The following SORL1 variants were observed in gnomAD, a reference collection of about 807,000 sequenced individuals.
SORL1 encodes the protein sortilin related receptor 1.
In SORL1, 127 loss-of-function variants were observed where a neutral mutation model predicts 273.7. The ratio of observed to expected loss-of-function variants is 0.46; its 90% CI spans 0.40 to 0.54. SORL1 has a LOEUF of 0.54. Ranked by LOEUF, SORL1 falls within the 20% of genes least tolerant of loss-of-function variation. SORL1 has a pLI of 0.00. For synonymous variants in SORL1, 1,031 were observed against 1,067.4 expected (o/e 0.97, Z 0.66); for missense variants, 2,494 against 2,846.1 (o/e 0.88, Z 2.81).
At chr11:121,508,772 TA>T in intron 6 of SORL1, among the ~76,000 whole-genome samples, 1 of 152,366 alleles carries the variant, frequency 6.6e-6, no homozygotes, top group Middle Eastern at 3.4e-3. Context: ...TGTTCTTGAG[TA>T]AATGTGCCTT....
Position 121,608,085 on chromosome 11 carries a change from C to T in SORL1, c.5167-19C>T, listed in dbSNP as rs1863506237. On this transcript the variant is annotated intron_variant, in intron 37 of 47. Coordinates refer to ENST00000260197, the MANE Select transcript of SORL1 (RefSeq NM_003105.6). ...GTATTGCCTTTATTTCATATTAATT[C>T]ACCCTCTGATTTGAAAAGGTGGCTG... is the stretch of plus-strand genomic sequence containing the variant. The T allele has an allele frequency of 3.1e-6, 5 of 1,605,790 alleles. No individual in the cohort carries two copies. In the East Asian group the frequency reaches 6.7e-5, roughly 21 times the overall value.
intron 11 of SORL1, among the ~76,000 whole-genome samples, chr11:121,528,438 G>T (rs1367661353): frequency 6.6e-6 from 1 of 152,156 alleles, no homozygotes. Context: ...CAGCCTGGGT[G>T]ACAGAGCAAG....
intron 33 of SORL1, 147 bp downstream of exon 33, chr11:121,604,471 A>G: frequency 9.1e-7 from 1 of 1,096,858 alleles, no homozygotes; most frequent in Non-Finnish European, 1.3e-6. Flanking sequence ...CTAGTTTTGG[A>G]GCCCCAAGTG....
At chr11:121,619,694 A>T in intron 42 of SORL1, 59 bp from the exon 43 acceptor site, 1 of 1,259,134 alleles carries the variant, frequency 7.9e-7, no homozygotes, top group Non-Finnish European at 1.1e-6. Context: ...AAATACTTTA[A>T]TAAAGATTGC....
chr11:121,500,233 T>TGGGTCA (rs1861691217), intron 6 of SORL1, among the ~76,000 whole-genome samples: 3 of 152,188 alleles, frequency 2.0e-5, no homozygotes, highest in Non-Finnish European at 4.4e-5. Flanking sequence ...AAGCTTGAGG[T>TGGGTCA]GGGTCAGGGT....
intron 3 of SORL1, among the ~76,000 whole-genome samples, chr11:121,487,292 C>T (rs1591296541): frequency 6.6e-6 from 1 of 152,230 alleles, no homozygotes; most frequent in Admixed American, 6.5e-5. Context: ...GGTGGGAATG[C>T]AGCACACATG....
At chr11:121,487,038 G>A (rs940156943) in intron 3 of SORL1, among the ~76,000 whole-genome samples, 6 of 152,138 alleles carry the variant, frequency 3.9e-5, no homozygotes, top group Admixed American at 6.5e-5. Context: ...TGCCCTAGAC[G>A]TGGAATATTC....
At chr11:121,469,409 A>G (rs890513384) in intron 1 of SORL1, among the ~76,000 whole-genome samples, 1 of 152,192 alleles carries the variant, frequency 6.6e-6, no homozygotes, top group Non-Finnish European at 1.5e-5. Flanking sequence ...GGCCTTCCTC[A>G]TTTTTATTTT....
intron 6 of SORL1, among the ~76,000 whole-genome samples, chr11:121,499,110 T>A (rs946948133): frequency 1.3e-5 from 2 of 152,230 alleles, no homozygotes; most frequent in Non-Finnish European, 2.9e-5. Flanking sequence ...GTTGAATGAA[T>A]GCCATGTTTG....
chr11:121,621,035 A>T, intron 43 of SORL1, 29 bp from the exon 44 acceptor site: 1 of 1,520,076 alleles, frequency 6.6e-7, no homozygotes, highest in Non-Finnish European at 9.1e-7. Flanking sequence ...CTTTCTGATT[A>T]TCATTCACTT....
chr11:121,627,572 A>G lies in SORL1; in HGVS notation c.6382A>G (p.Thr2128Ala). ...ELGSGADASA[T>A]QAARSTDVAA... ...CTTGGCAGGTGCAGATGCATCTGCA[A>G]CGCAGGCTGCCAGATCTACGGATGT... The change falls in exon 47 of 48, where the codon ACG (threonine) becomes GCG (alanine). Residue 2128 changes from threonine (T) to alanine (A), a missense_variant. Coordinates refer to ENST00000260197, the MANE Select transcript of SORL1 (RefSeq NM_003105.6). The surrounding 1 kb of genome is among the most constrained non-coding windows in gnomAD (Gnocchi z 4.9). The G allele has an allele frequency of 6.2e-7, 1 of 1,614,164 alleles. No homozygotes were observed. The highest frequency in any genetic ancestry group is 8.5e-7 in the Non-Finnish European group (1 of 1,180,022).
intron 3 of SORL1, among the ~76,000 whole-genome samples, chr11:121,482,124 A>T (rs1861399934): frequency 6.6e-6 from 1 of 152,172 alleles, no homozygotes; most frequent in South Asian, 2.1e-4. Context: ...GACAGGACAG[A>T]TGATGTTTTG....
chr11:121,470,911 A>C (rs976156713), intron 2 of SORL1, among the ~76,000 whole-genome samples: 2 of 151,992 alleles, frequency 1.3e-5, no homozygotes, highest in Non-Finnish European at 2.9e-5. Context: ...CTGGTCTCGA[A>C]CCCCTGGGCT....
chr11:121,548,684 A>C (rs1267587973), intron 14 of SORL1, among the ~76,000 whole-genome samples: 1 of 152,156 alleles, frequency 6.6e-6, no homozygotes, highest in Non-Finnish European at 1.5e-5. Flanking sequence ...CTCTTGCCTC[A>C]GCCTCCAGAG....
At chr11:121,515,014 G>A (rs1454531029) in intron 8 of SORL1, among the ~76,000 whole-genome samples, 1 of 150,430 alleles carries the variant, frequency 6.6e-6, no homozygotes, top group East Asian at 1.9e-4. Context: ...CTCTTGGAAA[G>A]AGTCTCCCGT....
intron 11 of SORL1, among the ~76,000 whole-genome samples, chr11:121,530,177 C>T (rs1047512252): frequency 2.0e-5 from 3 of 152,196 alleles, no homozygotes; most frequent in Non-Finnish European, 4.4e-5. Flanking sequence ...GTTTTTGCTT[C>T]AAATTATCAT....
intron 25 of SORL1, 38 bp downstream of exon 25, chr11:121,577,438 G>A (rs376949268): frequency 1.6e-5 from 25 of 1,531,854 alleles, no homozygotes; most frequent in African/African-American, 1.2e-4. Flanking sequence ...GCACTCATCC[G>A]TTCATGCAGT....
chr11:121,530,942 A>G (rs909156515), intron 11 of SORL1, among the ~76,000 whole-genome samples: 1 of 152,172 alleles, frequency 6.6e-6, no homozygotes, highest in African/African-American at 2.4e-5. Flanking sequence ...TGTTGAGCCC[A>G]TCAGTAAATT....
intron 3 of SORL1, among the ~76,000 whole-genome samples, 162 bp downstream of exon 3, chr11:121,478,405 GCTGTT>G (rs1861315317): frequency 6.6e-6 from 1 of 152,186 alleles, no homozygotes; most frequent in Non-Finnish European, 1.5e-5. Flanking sequence ...GTGACAGACT[GCTGTT>G]CTCAGGGTTG....
Sources: allele counts gnomAD v4.1 joint callset (sites outside exome capture counted in the v4.1 genomes callset), GRCh38; gene constraint gnomAD v4.1.1; non-coding constraint Gnocchi (gnomAD v3.1); transcripts MANE v1.5; gene names NCBI Gene and HGNC (gene_info 2026-07-23, HGNC 2026-07-21).